The following PCDHA2 variants were observed in gnomAD, a reference collection of about 807,000 sequenced individuals.
PCDHA2 encodes the protein protocadherin alpha-2.
In PCDHA2, 58 loss-of-function variants were observed where a neutral mutation model predicts 66.0. The ratio of observed to expected loss-of-function variants is 0.88; its 90% confidence interval spans 0.71 to 1.09. The LOEUF (loss-of-function observed/expected upper bound fraction) is 1.09, where lower values mean the gene tolerates loss of function less well. PCDHA2 is among the 50% of genes least tolerant of loss of function. PCDHA2 has a pLI of 0.00. For synonymous variants in PCDHA2, 634 were observed against 554.0 expected, an observed-to-expected ratio of 1.14 and a Z score of -2.03; for missense variants, 1,267 against 1,242.3, an observed-to-expected ratio of 1.02 and a Z score of -0.30.
At chr5:140,843,373 T>C (rs2150358583) in intron 1 of PCDHA2, 5 of 1,596,150 alleles carry the variant, frequency 3.1e-6, no homozygotes, top group Non-Finnish European at 2.6e-6. Flanking sequence ...GGCAGTCGGC[T>C]GGCGTTTTGG....
chr5:140,801,209 C>G (rs782414037), intron 1 of PCDHA2: 1 of 1,604,234 alleles, frequency 6.2e-7, no homozygotes, highest in East Asian at 2.2e-5. Flanking sequence ...TGTTGTTCTC[C>G]TGGCGAGAAG....
chr5:140,828,266 C>T, intron 1 of PCDHA2: 1 of 1,614,048 alleles, frequency 6.2e-7, no homozygotes, highest in Non-Finnish European at 8.5e-7. Context: ...GCTGGCGGAG[C>T]TGGTGCCGCG....
At chr5:140,915,207 A>G (rs1238146165) in intron 1 of PCDHA2, among the ~76,000 whole-genome samples, 2 of 152,154 alleles carry the variant, frequency 1.3e-5, no homozygotes, top group Non-Finnish European at 2.9e-5. Flanking sequence ...TTGGCCTCCC[A>G]AAGTGCTGGG....
At chr5:140,807,189 TGGA>T (rs1554123781) in intron 1 of PCDHA2, 2 of 1,613,036 alleles carry the variant, frequency 1.2e-6, no homozygotes, top group African/African-American at 2.7e-5. Context: ...GCACTAAAGA[TGGA>T]GTTTTCCTGG....
intron 1 of PCDHA2, chr5:140,869,657 A>G (rs2051312714): frequency 6.2e-7 from 1 of 1,613,452 alleles, no homozygotes; most frequent in South Asian, 1.1e-5. Flanking sequence ...TCACCAACAA[A>G]TGGTAAGCAG....
At chr5:141,008,126 G>A (rs2098361949) in intron 3 of PCDHA2, among the ~76,000 whole-genome samples, 1 of 152,178 alleles carries the variant, frequency 6.6e-6, no homozygotes, top group African/African-American at 2.4e-5. Context: ...TCAAGAAGGG[G>A]ATGACAAATG....
intron 3 of PCDHA2, among the ~76,000 whole-genome samples, chr5:141,000,251 G>C (rs2097898188): frequency 6.6e-6 from 1 of 151,264 alleles, no homozygotes; most frequent in Non-Finnish European, 1.5e-5. Context: ...GCTGACACCT[G>C]TGATCCTAGC....
intron 1 of PCDHA2, chr5:140,851,686 TGA>T: frequency 1.1e-6 from 1 of 926,568 alleles, no homozygotes; most frequent in Non-Finnish European, 1.3e-6. Context: ...CTCCATTCAG[TGA>T]TAAAATGATC....
At chr5:140,859,461 A>G (rs1394799940) in intron 1 of PCDHA2, 1 of 216,144 alleles carries the variant, frequency 4.6e-6, no homozygotes, top group Non-Finnish European at 9.0e-6. Flanking sequence ...TGACAAAACT[A>G]CACTATCAAT....
chr5:140,850,912 T>G (rs2150501930), intron 1 of PCDHA2: 2 of 1,541,844 alleles, frequency 1.3e-6, no homozygotes, highest in South Asian at 2.5e-5. Context: ...AGCATTTTAT[T>G]TATTTATATA....
At position 140,796,491 on chromosome 5, in the gene PCDHA2, G is replaced by C. The variant is rs1762092291; in HGVS notation, c.1527G>C (p.Ser509=). The part of the protein sequence containing the change: ...VGERALSSYV[S]VHAESGKVYA... Reference sequence around the variant, plus strand: ...AGCGCGCGTTGTCGAGCTACGTTTCGGTGCACGCGGAGAGCGGCAAGGTGT... The same window carrying C: ...AGCGCGCGTTGTCGAGCTACGTTTCCGTGCACGCGGAGAGCGGCAAGGTGT... The change falls in exon 1 of 4, where the codon TCG becomes TCC. Residue 509 remains serine (S), a synonymous_variant. Coordinates refer to ENST00000526136, the MANE Select transcript of PCDHA2 (RefSeq NM_018905.3). 2 of 1,612,282 alleles carry C rather than the reference G, an allele frequency of 1.2e-6. No homozygotes were observed. Among genetic ancestry groups the C allele is most frequent in the South Asian group, 2.2e-5 (2 of 90,998 alleles).
intron 1 of PCDHA2, chr5:140,841,323 T>G: frequency 1.3e-6 from 2 of 1,588,196 alleles, no homozygotes; most frequent in Non-Finnish European, 1.7e-6. Flanking sequence ...CTATTTAACA[T>G]GGATTATCAC....
intron 1 of PCDHA2, among the ~76,000 whole-genome samples, chr5:140,839,019 G>T (rs1394721397): frequency 3.9e-5 from 6 of 151,970 alleles, no homozygotes; most frequent in Non-Finnish European, 8.8e-5. Context: ...AATTATTTTA[G>T]GATATGTTAC....
At chr5:140,844,751 T>G (rs1554140718) in intron 1 of PCDHA2, among the ~76,000 whole-genome samples, 1 of 149,538 alleles carries the variant, frequency 6.7e-6, no homozygotes. Flanking sequence ...ATGGGATAAA[T>G]CTTTGAAAAA....
At chr5:140,854,902 A>G (rs2043266382) in intron 1 of PCDHA2, among the ~76,000 whole-genome samples, 1 of 150,050 alleles carries the variant, frequency 6.7e-6, no homozygotes, top group African/African-American at 2.4e-5. Flanking sequence ...AAGCGTAAAT[A>G]TAACAGGGTT....
intron 1 of PCDHA2, chr5:140,866,167 CAT>C (rs1328596564): frequency 7.9e-5 from 12 of 152,072 alleles, no homozygotes; most frequent in African/African-American, 2.9e-4. Flanking sequence ...AATCGTTTAA[CAT>C]GTAAGAAAAG....
intron 1 of PCDHA2, chr5:140,926,299 C>G (rs547710989): frequency 3.9e-5 from 6 of 152,464 alleles, no homozygotes; most frequent in Admixed American, 3.9e-4. Context: ...GAGTCCCGCC[C>G]TCTCCGCCGG....
chr5:140,851,487 C>G (rs1273932978), intron 1 of PCDHA2: 3 of 888,978 alleles, frequency 3.4e-6, no homozygotes, highest in African/African-American at 1.8e-5. Context: ...TAAACACAGC[C>G]TTCATTTCAA....
At chr5:140,984,471 A>G (rs2153834399) in intron 3 of PCDHA2, among the ~76,000 whole-genome samples, 1 of 152,300 alleles carries the variant, frequency 6.6e-6, no homozygotes, top group Middle Eastern at 3.4e-3. Context: ...CCCCTCTTGT[A>G]TAACCCATTT....
Sources: gnomAD v4.1 joint callset for allele counts (sites outside exome capture counted in the v4.1 genomes callset) on GRCh38, gnomAD v4.1.1 for gene constraint, MANE v1.5 for transcripts, NCBI Gene and HGNC (gene_info 2026-07-23, HGNC 2026-07-21) for gene names.